Variants in SCAI observed in about 807,000 individuals in gnomAD.
SCAI encodes the protein suppressor of cancer cell invasion, also known as protein SCAI.
SCAI carries 24 observed loss-of-function variants against 92.2 expected under a neutral mutation model. The observed-to-expected ratio is 0.26, with a 90% CI of 0.19 to 0.37. SCAI has a LOEUF of 0.37. SCAI is among the 10% of genes least tolerant of loss of function. SCAI has a pLI of 1.00. For missense variants in SCAI, 450 were observed against 736.2 expected (o/e 0.61, Z 4.50); for synonymous variants, 261 against 258.6 (o/e 1.01, Z -0.09).
In SCAI at chr9:124,952,563, ATATC is replaced by A. The variant is rs1831248156; in HGVS notation, c.*240_*243del. On this transcript the variant is annotated 3_prime_UTR_variant, in exon 18 of 18. Transcript: ENST00000336505. ...GTGTAGGATTAGAAGTTGGAGGTAA[ATATC>A]CATCCCTCAAAATCAAAAAATAAAA... The A allele has an allele frequency of 8.1e-6, 3 of 369,182 alleles. No homozygotes were observed. Among genetic ancestry groups the A allele is most frequent in the Non-Finnish European group, 1.5e-5 (3 of 206,844 alleles). The allele number at this position is 369,182 out of a possible 1,614,324, so 22.9% of individuals were successfully genotyped here. A position where few individuals can be genotyped will look rare whatever the true frequency, so the allele number is the denominator to read the frequency against.
intron 2 of SCAI, among the ~76,000 whole-genome samples, chr9:125,122,659 C>T (rs1835179131): frequency 6.8e-6 from 1 of 147,862 alleles, no homozygotes; most frequent in Non-Finnish European, 1.5e-5. Context: ...AATCCCAACA[C>T]TTTGGGAGGC....
intron 2 of SCAI, among the ~76,000 whole-genome samples, chr9:125,105,053 C>T (rs1405231617): frequency 6.6e-6 from 1 of 151,774 alleles, no homozygotes; most frequent in Non-Finnish European, 1.5e-5. Context: ...CTTCTGCTGA[C>T]AGTCAACTGA....
Position 124,943,499 on chromosome 9 carries a change from G to C in SCAI, c.*9308C>G, listed in dbSNP as rs1831092689. ...AGAATTGTTACATGAAAAATATTGTGCTTCAGTCTCTTGAGGAGAGCTAAT... is the reference window on the plus strand; with the variant it reads ...AGAATTGTTACATGAAAAATATTGTCCTTCAGTCTCTTGAGGAGAGCTAAT... On this transcript the variant is annotated 3_prime_UTR_variant, in exon 18 of 18. Transcript: ENST00000336505. 1 of 152,168 alleles carries C rather than the reference G, an allele frequency of 6.6e-6. No homozygotes were observed. 9.4% of individuals were successfully genotyped at this position (152,168 alleles called of 1,614,324 possible).
chr9:125,020,796 C>T lies in SCAI; in HGVS notation c.513-27G>A, dbSNP rs759018403. The stretch of plus-strand genomic sequence containing the variant: ...TATGGAAGATAAATGAAAAATTACT[C>T]ATTAGATTAAAAAAGAATGCTTTTT... On this transcript the variant is annotated intron_variant, in intron 6 of 17. Transcript: ENST00000336505. 210 of 1,002,592 alleles carry T rather than the reference C, an allele frequency of 2.1e-4. 1 individual carries two copies. In the East Asian group the frequency reaches 4.6e-3, roughly 22 times the overall value. The allele number at this position is 1,002,592 out of a possible 1,614,324, so 62.1% of individuals were successfully genotyped here.
chr9:125,092,366 T>C (rs1834449241), intron 2 of SCAI, among the ~76,000 whole-genome samples: 1 of 151,774 alleles, frequency 6.6e-6, no homozygotes. Flanking sequence ...GACAGGAGAA[T>C]AGCTTGAATC....
rs1389807272 is a variant in SCAI, at chr9:124,946,872, T to G, written c.*5935A>C. 1 of 152,230 alleles carries G rather than the reference T, an allele frequency of 6.6e-6. No homozygotes were observed. Among genetic ancestry groups the G allele is most frequent in the Non-Finnish European group, 1.5e-5 (1 of 68,026 alleles). The allele number at this position is 152,230 out of a possible 1,614,324, so 9.4% of individuals were successfully genotyped here. On this transcript the variant is annotated 3_prime_UTR_variant, in exon 18 of 18. Coordinates refer to ENST00000336505, the MANE Select transcript of SCAI (RefSeq NM_001144877.3). The surrounding 1 kb of genome is among the most constrained non-coding windows in gnomAD (Gnocchi z 4.0). ...GTGGAAGCATTTTCTCAGATGAGCC[T>G]ACTCACCTTTGATATGCAAGTCCAG...
chr9:125,081,038 C>T (rs1184369429), intron 2 of SCAI, among the ~76,000 whole-genome samples: 1 of 152,202 alleles, frequency 6.6e-6, no homozygotes, highest in Non-Finnish European at 1.5e-5. Context: ...TCCTCCTTGC[C>T]TTCTGTCATG....
intron 2 of SCAI, among the ~76,000 whole-genome samples, chr9:125,062,503 C>A (rs1833789566): frequency 6.7e-6 from 1 of 150,168 alleles, no homozygotes; most frequent in Admixed American, 6.6e-5. Flanking sequence ...GTAATCTCAG[C>A]ACTTTGGGAG....
In SCAI at chr9:125,142,667, T is replaced by C; in HGVS notation, c.64A>G (p.Thr22Ala). 6.2e-7 allele frequency: 1 copy of C among 1,613,766 alleles called. No individual in the cohort carries two copies. Among genetic ancestry groups the C allele is most frequent in the Non-Finnish European group, 8.5e-7 (1 of 1,179,684 alleles). ...RSRLAPRLTG[T>A]VEKPPRKRRS... ...CGTTTTCGAGGCGGTTTCTCCACTG[T>C]GCCAGTCAGTCTGCAGACCAAACAA... The change falls in exon 2 of 18, where the codon ACA becomes GCA. Residue 22 changes from threonine (T) to alanine (A), a missense_variant. This residue lies in a region of SCAI where 70 missense variants were observed against 66.3 expected (regional missense o/e 1.06). Coordinates refer to ENST00000336505, the MANE Select transcript of SCAI (RefSeq NM_001144877.3).
intron 3 of SCAI, among the ~76,000 whole-genome samples, chr9:125,030,287 G>A (rs1459069740): frequency 6.6e-6 from 1 of 152,054 alleles, no homozygotes; most frequent in Non-Finnish European, 1.5e-5. Flanking sequence ...ACTTCCTTTG[G>A]CCAATGAAAT....
intron 2 of SCAI, among the ~76,000 whole-genome samples, chr9:125,080,061 CG>C (rs1421617794): frequency 6.6e-6 from 1 of 151,934 alleles, no homozygotes; most frequent in African/African-American, 2.4e-5. Flanking sequence ...AAAAAGAAAA[CG>C]GCCCTCAGTT....
At chr9:125,136,895 G>A (rs573436212) in intron 2 of SCAI, among the ~76,000 whole-genome samples, 2 of 151,772 alleles carry the variant, frequency 1.3e-5, no homozygotes, top group East Asian at 3.9e-4. Flanking sequence ...CAAGTAACTG[G>A]GATTACAGGC....
intron 3 of SCAI, among the ~76,000 whole-genome samples, chr9:125,041,839 T>C (rs550477034): frequency 2.0e-4 from 30 of 152,146 alleles, no homozygotes; most frequent in Non-Finnish European, 3.8e-4. Flanking sequence ...TTTTTCAAAA[T>C]AGGGTTTAAA....
Position 125,104,470 on chromosome 9 carries a change from C to T in SCAI, c.98+38163G>A, listed in dbSNP as rs566965919. Among the ~76,000 whole-genome samples the T allele has an allele frequency of 3.3e-5, 5 of 152,238 alleles. 1 individual carries two copies. The South Asian group carries it at 1.0e-3, about 32-fold the overall frequency. On this transcript the variant is annotated intron_variant, in intron 2 of 17. Coordinates refer to ENST00000336505, the MANE Select transcript of SCAI (RefSeq NM_001144877.3). Reference sequence around the variant, plus strand: ...TAACTCTAAATACTTCACAACCTCCCTAAGAGATTTCAGTCTAATTCTGTC... The same window carrying T: ...TAACTCTAAATACTTCACAACCTCCTTAAGAGATTTCAGTCTAATTCTGTC...
intron 17 of SCAI, among the ~76,000 whole-genome samples, chr9:124,960,333 G>A (rs1014375757): frequency 3.9e-5 from 6 of 152,122 alleles, no homozygotes; most frequent in African/African-American, 1.2e-4. Flanking sequence ...GGGCTCAAGC[G>A]ACGCCCCAGC....
intron 3 of SCAI, among the ~76,000 whole-genome samples, chr9:125,032,616 C>CTT (rs35384919): frequency 0.013 from 1,726 of 130,972 alleles, 85 homozygotes; most frequent in Admixed American, 0.081. Context: ...TAATATTATG[C>CTT]TTTTTTTTTT....
At chr9:125,019,596 T>G (rs1277505548) in intron 7 of SCAI, among the ~76,000 whole-genome samples, 1 of 151,818 alleles carries the variant, frequency 6.6e-6, no homozygotes, top group Non-Finnish European at 1.5e-5. Context: ...GGCCAAGATT[T>G]CGAGAGCAGC....
At position 124,946,219 on chromosome 9, in the gene SCAI, A is replaced by C. The variant is rs1033523063; in HGVS notation, c.*6588T>G. The C allele has an allele frequency of 2.6e-5, 4 of 152,200 alleles. No homozygotes were observed. The highest frequency in any genetic ancestry group is 5.9e-5 in the Non-Finnish European group (4 of 68,030). The allele number at this position is 152,200 out of a possible 1,614,324, so 9.4% of individuals were successfully genotyped here. A position where few individuals can be genotyped will look rare whatever the true frequency, so the allele number is the denominator to read the frequency against. On this transcript the variant is annotated 3_prime_UTR_variant, in exon 18 of 18. Transcript: ENST00000336505. The surrounding 1 kb of genome is among the most constrained non-coding windows in gnomAD (Gnocchi z 4.0). ...TTCAAACAACAAACCATCAGATCCT[A>C]TGGATGTTTTCACTGATTTTTCAGA... is the stretch of plus-strand genomic sequence containing the variant.
chr9:124,963,996 T>C (rs2064671717), intron 17 of SCAI, among the ~76,000 whole-genome samples: 1 of 152,046 alleles, frequency 6.6e-6, no homozygotes, highest in South Asian at 2.1e-4. Context: ...TATAATTTTA[T>C]GCAAATATGT....
Sources: gnomAD v4.1 joint callset for allele counts (sites outside exome capture counted in the v4.1 genomes callset) on GRCh38, gnomAD v4.1.1 for gene constraint, gnomAD v4.1.1 regional missense constraint, Gnocchi (gnomAD v3.1) non-coding constraint, MANE v1.5 for transcripts, NCBI Gene and HGNC (gene_info 2026-07-23, HGNC 2026-07-21) for gene names.